PNKD: variants seen among roughly 807,000 people sequenced by gnomAD.
PNKD encodes probable thioesterase PNKD.
In PNKD, 36 loss-of-function variants were observed where a neutral mutation model predicts 45.3. The ratio of observed to expected loss-of-function variants is 0.80; its 90% CI spans 0.61 to 1.05. PNKD has a LOEUF of 1.05. PNKD is among the 50% of genes least tolerant of loss of function. The pLI is 0.00. For missense variants in PNKD, 511 were observed against 506.6 expected (o/e 1.01, Z -0.08); for synonymous variants, 197 against 210.1 (o/e 0.94, Z 0.54).
chr2:218,270,572 C>CG lies in PNKD; in HGVS notation c.43dup (p.Ala15GlyfsTer17), dbSNP rs777779692. ...GGTAGCTGCTACGGCGCTGAAGGGC[C>CG]GGGGGGCGAGAAATGCCCGCGTCCT... On this transcript the variant is annotated frameshift_variant, in exon 1 of 10. Transcript: ENST00000273077. LOFTEE classifies it high-confidence loss of function. 33 of 1,193,528 alleles carry CG rather than the reference C, an allele frequency of 2.8e-5. No homozygotes were observed. Among genetic ancestry groups the CG allele is most frequent in the African/African-American group, 1.7e-4 (11 of 63,612 alleles). 73.9% of individuals were successfully genotyped at this position (1,193,528 alleles called of 1,614,324 possible). A position where few individuals can be genotyped will look rare whatever the true frequency, so the allele number is the denominator to read the frequency against.
At position 218,340,951 on chromosome 2, in the gene PNKD, C is replaced by T; in HGVS notation, c.524+165C>T. 1 of 683,958 alleles carries T rather than the reference C, an allele frequency of 1.5e-6. No individual in the cohort carries two copies. The highest frequency in any genetic ancestry group is 2.7e-6 in the Non-Finnish European group (1 of 375,312). 42.4% of individuals were successfully genotyped at this position (683,958 alleles called of 1,614,324 possible). A position where few individuals can be genotyped will look rare whatever the true frequency, so the allele number is the denominator to read the frequency against. The stretch of plus-strand genomic sequence containing the variant: ...ACCAGCAGGGAGGGAGGAGAGGGGA[C>T]AGTCTCCCACCACTCCATTGATCAA... On this transcript the variant is annotated intron_variant, in intron 5 of 9. Transcript: ENST00000273077. This position sits in a 1 kb window ranked among gnomAD's most constrained non-coding sequence, Gnocchi z 4.2.
intron 8 of PNKD, 137 bp downstream of exon 8, chr2:218,343,723 G>C: frequency 1.4e-6 from 1 of 698,928 alleles, no homozygotes; most frequent in Non-Finnish European, 2.6e-6. Flanking sequence ...CCACCTCTAG[G>C]GGTAGGGACA....
chr2:218,273,647 A>ATT (rs10607945), intron 2 of PNKD, among the ~76,000 whole-genome samples: 14 of 143,520 alleles, frequency 9.8e-5, no homozygotes, highest in African/African-American at 2.8e-4. Flanking sequence ...CTCCCAGTTA[A>ATT]TTTTTTTTTT....
At chr2:218,318,762 T>G (rs993038064) in intron 2 of PNKD, among the ~76,000 whole-genome samples, 1 of 151,994 alleles carries the variant, frequency 6.6e-6, no homozygotes, top group Non-Finnish European at 1.5e-5. Context: ...ACAGAAAAGA[T>G]CCACAAAATA....
In PNKD at chr2:218,342,287, T is replaced by C. The variant is rs540630764; in HGVS notation, c.781+143T>C. On this transcript the variant is annotated intron_variant, in intron 7 of 9. Coordinates refer to ENST00000273077, the MANE Select transcript of PNKD (RefSeq NM_015488.5). Reference sequence around the variant, plus strand: ...GTTACTTCCATCTGTGTTACTCAGATTGGTTTTAATCCTTGAGACTTCCCT... The same window carrying C: ...GTTACTTCCATCTGTGTTACTCAGACTGGTTTTAATCCTTGAGACTTCCCT... The C allele has an allele frequency of 7.2e-5, 52 of 726,988 alleles. No homozygotes were observed. The African/African-American group carries it at 7.8e-4, about 11-fold the overall frequency. The allele number at this position is 726,988 out of a possible 1,614,324, so 45.0% of individuals were successfully genotyped here.
chr2:218,345,214 C>T lies in PNKD; in HGVS notation c.*233C>T. ...CAGCGCGAGGCTGCCTCATCAACGGCAAGAGGAAAGGAGGGGTCTCGGGAC... is the reference window on the plus strand; with the variant it reads ...CAGCGCGAGGCTGCCTCATCAACGGTAAGAGGAAAGGAGGGGTCTCGGGAC... On this transcript the variant is annotated 3_prime_UTR_variant, in exon 10 of 10. Transcript: ENST00000273077. The T allele has an allele frequency of 1.8e-6, 1 of 563,110 alleles. No homozygotes were observed. The highest frequency in any genetic ancestry group is 3.2e-6 in the Non-Finnish European group (1 of 316,358). The allele number at this position is 563,110 out of a possible 1,614,324, so 34.9% of individuals were successfully genotyped here.
chr2:218,344,710 C>T (rs921034619), intron 9 of PNKD, 98 bp from the exon 10 acceptor site: 2 of 1,441,654 alleles, frequency 1.4e-6, no homozygotes, highest in Non-Finnish European at 9.8e-7. Context: ...AGTCAGAACT[C>T]CTGAACTCCA....
At chr2:218,333,847 G>GC (rs1218649855) in intron 2 of PNKD, among the ~76,000 whole-genome samples, 304 of 151,596 alleles carry the variant, frequency 2.0e-3, no homozygotes, top group Middle Eastern at 6.8e-3. Flanking sequence ...AGGCGCCGTG[G>GC]CTCACACCTA....
chr2:218,312,633 G>A (rs937308217), intron 2 of PNKD, among the ~76,000 whole-genome samples: 6 of 151,880 alleles, frequency 4.0e-5, no homozygotes, highest in African/African-American at 1.5e-4. Flanking sequence ...AGCACTCTGG[G>A]AGGCCAAGGT....
intron 2 of PNKD, among the ~76,000 whole-genome samples, chr2:218,320,663 G>T (rs1459868982): frequency 1.3e-5 from 2 of 152,222 alleles, no homozygotes; most frequent in Admixed American, 1.3e-4. Context: ...TTCAAGAAGA[G>T]CTTTCTTGGA....
intron 2 of PNKD, among the ~76,000 whole-genome samples, chr2:218,297,457 G>A (rs1330510745): frequency 1.3e-5 from 2 of 152,102 alleles, no homozygotes; most frequent in Non-Finnish European, 2.9e-5. Context: ...GTCAGGGGGT[G>A]GATCACCTGA....
At chr2:218,333,774 G>A (rs975849785) in intron 2 of PNKD, among the ~76,000 whole-genome samples, 1 of 151,868 alleles carries the variant, frequency 6.6e-6, no homozygotes, top group African/African-American at 2.4e-5. Flanking sequence ...GGTGCAAGGT[G>A]GTGTCTGTCA....
At chr2:218,274,240 C>A (rs1184877480) in intron 2 of PNKD, 1 of 154,924 alleles carries the variant, frequency 6.5e-6, no homozygotes, top group Non-Finnish European at 1.5e-5. Context: ...ATAGTTGTAT[C>A]CCTTTGTGTG....
At chr2:218,332,541 C>G (rs1694357414) in intron 2 of PNKD, among the ~76,000 whole-genome samples, 5 of 152,076 alleles carry the variant, frequency 3.3e-5, no homozygotes, top group Admixed American at 3.3e-4. Context: ...TCTCCCCTTC[C>G]CTTCCTCCTT....
intron 2 of PNKD, among the ~76,000 whole-genome samples, chr2:218,330,409 G>A (rs773552438): frequency 6.6e-6 from 1 of 152,230 alleles, no homozygotes; most frequent in African/African-American, 2.4e-5. Flanking sequence ...GTCCCCAGCT[G>A]TCCCACATTG....
Position 218,281,660 on chromosome 2 carries a change from G to A in PNKD, c.236+10111G>A, listed in dbSNP as rs149071451. 4.0e-4 allele frequency among the ~76,000 whole-genome samples: 61 copies of A among 152,292 alleles called. 2 individuals are homozygous for A. In the East Asian group the frequency reaches 0.011, roughly 27 times the overall value. ...GGTGCCCTGAGGTAACCCCTCAGGA[G>A]TCATTACTTGGCCCAGCCCCATTCT... On this transcript the variant is annotated intron_variant, in intron 2 of 9. Transcript: ENST00000273077.
chr2:218,275,625 C>A, intron 2 of PNKD: 1 of 1,608,400 alleles, frequency 6.2e-7, no homozygotes, highest in Non-Finnish European at 8.5e-7. Context: ...CCAGGAACTG[C>A]AAGGATAGGG....
Position 218,340,944 on chromosome 2 carries a change from GA to G in PNKD, c.524+159del. 1 of 699,138 alleles carries G rather than the reference GA, an allele frequency of 1.4e-6. No homozygotes were observed. Among genetic ancestry groups the G allele is most frequent in the African/African-American group, 1.7e-5 (1 of 57,680 alleles). 43.3% of individuals were successfully genotyped at this position (699,138 alleles called of 1,614,324 possible). Reference sequence around the variant, plus strand: ...CCTGGACACCAGCAGGGAGGGAGGAGAGGGGACAGTCTCCCACCACTCCATT... The same window carrying G: ...CCTGGACACCAGCAGGGAGGGAGGAGGGGGACAGTCTCCCACCACTCCATT... On this transcript the variant is annotated intron_variant, in intron 5 of 9. Transcript: ENST00000273077. The surrounding 1 kb of genome is among the most constrained non-coding windows in gnomAD (Gnocchi z 4.2).
At chr2:218,322,714 A>G (rs1694020691) in intron 2 of PNKD, among the ~76,000 whole-genome samples, 1 of 152,174 alleles carries the variant, frequency 6.6e-6, no homozygotes, top group Non-Finnish European at 1.5e-5. Flanking sequence ...TTGCTCGCTT[A>G]TTTGGTTCGT....
Sources: gnomAD v4.1 joint callset for allele counts (sites outside exome capture counted in the v4.1 genomes callset) on GRCh38, gnomAD v4.1.1 for gene constraint, Gnocchi (gnomAD v3.1) non-coding constraint, MANE v1.5 for transcripts, NCBI Gene and HGNC (gene_info 2026-07-23, HGNC 2026-07-21) for gene names.